The following GALNT18 variants were observed in gnomAD, a reference collection of about 807,000 sequenced individuals.
GALNT18 encodes polypeptide N-acetylgalactosaminyltransferase 18.
In GALNT18, 44 loss-of-function variants were observed where a neutral mutation model predicts 69.5. That is an observed-to-expected ratio of 0.63 (90% confidence interval 0.50 to 0.81). The LOEUF (loss-of-function observed/expected upper bound fraction) is 0.81, where lower values mean the gene tolerates loss of function less well. Among genes scored for constraint, GALNT18 ranks in the 40% least tolerant of loss-of-function variants. The probability of loss-of-function intolerance (pLI) is 0.00; values close to 1 mark genes in which losing one functional copy is unlikely to be tolerated. For missense variants in GALNT18, 715 were observed against 810.0 expected (o/e 0.88, Z 1.42); for synonymous variants, 364 against 318.2 (o/e 1.14, Z -1.53).
At chr11:11,503,667 C>T (rs977485175) in intron 1 of GALNT18, among the ~76,000 whole-genome samples, 10 of 152,232 alleles carry the variant, frequency 6.6e-5, no homozygotes. Flanking sequence ...AATTTTGAGT[C>T]AAAACTACTA....
chr11:11,432,658 G>T lies in GALNT18; in HGVS notation c.558C>A (p.Leu186=). Residue 186 remains leucine (L), a synonymous_variant, in exon 3 of 11, where the codon CTC becomes CTA. Coordinates refer to ENST00000227756, the MANE Select transcript of GALNT18 (RefSeq NM_198516.3). This position sits in a 1 kb window ranked among gnomAD's most constrained non-coding sequence, Gnocchi z 5.8. The part of the protein sequence containing the change: ...SAMERTPPHL[L]KEIILVDDNS... ...TGTCATCCACCAGAATGATCTCCTT[G>T]AGCAGATGTGGGGGCGTGCGTTCCA... 2 of 1,611,744 alleles carry T rather than the reference G, an allele frequency of 1.2e-6. No individual in the cohort carries two copies. Among genetic ancestry groups the T allele is most frequent in the Non-Finnish European group, 1.7e-6 (2 of 1,178,986 alleles).
intron 1 of GALNT18, among the ~76,000 whole-genome samples, chr11:11,533,236 C>A (rs1363112819): frequency 6.6e-6 from 1 of 152,182 alleles, no homozygotes; most frequent in Non-Finnish European, 1.5e-5. Context: ...GCTTCTTTAG[C>A]TTGTTTCATC....
Position 11,563,494 on chromosome 11 carries a change from T to C in GALNT18, c.235+57865A>G, listed in dbSNP as rs1370942699. ...TTTCCAACTTGTGAGTTTGAACACT[T>C]AAGCTGAAAAAGGATTTAAATGCTC... On this transcript the variant is annotated intron_variant, in intron 1 of 10. Transcript: ENST00000227756. The surrounding 1 kb of genome is among the most constrained non-coding windows in gnomAD (Gnocchi z 4.6). Among the ~76,000 whole-genome samples the C allele has an allele frequency of 6.6e-6, 1 of 152,204 alleles. No homozygotes were observed. The highest frequency in any genetic ancestry group is 2.4e-5 in the African/African-American group (1 of 41,450).
At chr11:11,448,014 T>C (rs1367785624) in intron 2 of GALNT18, among the ~76,000 whole-genome samples, 1 of 152,178 alleles carries the variant, frequency 6.6e-6, no homozygotes, top group Non-Finnish European at 1.5e-5. Flanking sequence ...CAAATAACCA[T>C]ACCCAATTAT....
At chr11:11,284,908 G>GGTTTTT (rs766754289) in intron 10 of GALNT18, among the ~76,000 whole-genome samples, 1 of 82,822 alleles carries the variant, frequency 1.2e-5, no homozygotes, top group South Asian at 4.3e-4. Context: ...AGACTTTCGT[G>GGTTTTT]TTTTTTTTTT....
At position 11,518,030 on chromosome 11, in the gene GALNT18, T is replaced by C. The variant is rs186355636; in HGVS notation, c.236-69094A>G. Reference sequence around the variant, plus strand: ...TGGTTAAAACGTTCTGTCCCAAAGGTAGAGCTGTCATCCTCCAGCAGTCTC... The same window carrying C: ...TGGTTAAAACGTTCTGTCCCAAAGGCAGAGCTGTCATCCTCCAGCAGTCTC... On this transcript the variant is annotated intron_variant, in intron 1 of 10. Transcript: ENST00000227756. 3.9e-4 allele frequency among the ~76,000 whole-genome samples: 59 copies of C among 152,326 alleles called. No individual in the cohort carries two copies. The Middle Eastern group carries it at 0.01, about 26-fold the overall frequency.
intron 6 of GALNT18, among the ~76,000 whole-genome samples, chr11:11,343,374 A>G (rs1413999518): frequency 6.6e-6 from 1 of 151,958 alleles, no homozygotes; most frequent in Non-Finnish European, 1.5e-5. Context: ...ATAAAAAATA[A>G]TAATAAAAAA....
intron 6 of GALNT18, among the ~76,000 whole-genome samples, chr11:11,362,340 G>GA (rs772247357): frequency 4.1e-4 from 63 of 151,986 alleles, no homozygotes; most frequent in Non-Finnish European, 6.9e-4. Context: ...GAAAAAACAC[G>GA]AAAAAAGCAG....
intron 3 of GALNT18, among the ~76,000 whole-genome samples, chr11:11,426,069 A>C (rs1039891175): frequency 3.9e-5 from 6 of 152,204 alleles, no homozygotes; most frequent in Non-Finnish European, 5.9e-5. Flanking sequence ...GAGGGGAAAC[A>C]TGGCCTTCGA....
chr11:11,359,521 T>C (rs1363255871), intron 6 of GALNT18, among the ~76,000 whole-genome samples: 1 of 152,186 alleles, frequency 6.6e-6, no homozygotes, highest in Non-Finnish European at 1.5e-5. Flanking sequence ...GCTCCTCTCA[T>C]TTAGTAATCC....
rs1191451964 is a variant in GALNT18, at chr11:11,542,970, C to T, written c.235+78389G>A. On this transcript the variant is annotated intron_variant, in intron 1 of 10. Transcript: ENST00000227756. The surrounding 1 kb of genome is among the most constrained non-coding windows in gnomAD (Gnocchi z 4.3). ...TGGGTGAGGAGCAGGGTGCATGGAA[C>T]CCCTGCAGCCTTTTCTACTGTGTGG... Among the ~76,000 whole-genome samples, 2 of 152,186 alleles carry T rather than the reference C, an allele frequency of 1.3e-5. No homozygotes were observed. Among genetic ancestry groups the T allele is most frequent in the Non-Finnish European group, 2.9e-5 (2 of 68,040 alleles).
At position 11,604,446 on chromosome 11, in the gene GALNT18, T is replaced by A. The variant is rs1310748775; in HGVS notation, c.235+16913A>T. Among the ~76,000 whole-genome samples, 1 of 151,918 alleles carries A rather than the reference T, an allele frequency of 6.6e-6. No individual in the cohort carries two copies. Among genetic ancestry groups the A allele is most frequent in the Non-Finnish European group, 1.5e-5 (1 of 67,982 alleles). ...TGCTGGAGAGTGGGGAAGGACAGGG[T>A]GGACAAGCGATCTACATCCAGCCCT... is the stretch of plus-strand genomic sequence containing the variant. On this transcript the variant is annotated intron_variant, in intron 1 of 10. Transcript: ENST00000227756. This position sits in a 1 kb window ranked among gnomAD's most constrained non-coding sequence, Gnocchi z 5.6.
At chr11:11,386,872 C>T (rs1854070984) in intron 3 of GALNT18, among the ~76,000 whole-genome samples, 1 of 152,156 alleles carries the variant, frequency 6.6e-6, no homozygotes, top group South Asian at 2.1e-4. Context: ...AAGAAGCTGG[C>T]CTGCATAAGA....
intron 6 of GALNT18, among the ~76,000 whole-genome samples, chr11:11,342,421 T>C (rs769074340): frequency 8.5e-5 from 13 of 152,170 alleles, no homozygotes; most frequent in Non-Finnish European, 1.9e-4. Flanking sequence ...TTCAGATATA[T>C]AACATGTACC....
At chr11:11,391,708 C>T (rs146765347) in intron 3 of GALNT18, among the ~76,000 whole-genome samples, 3,761 of 152,316 alleles carry the variant, frequency 0.025, 89 homozygotes, top group South Asian at 0.067. Context: ...ATTTATATAT[C>T]GATTCCAGCA....
chr11:11,293,125 G>GTCA lies in GALNT18; in HGVS notation c.1578_1580dup (p.Asp527dup). 1 of 1,371,254 alleles carries GTCA rather than the reference G, an allele frequency of 7.3e-7. No homozygotes were observed. Among genetic ancestry groups the GTCA allele is most frequent in the Non-Finnish European group, 9.5e-7 (1 of 1,052,358 alleles). The allele number at this position is 1,371,254 out of a possible 1,614,324, so 84.9% of individuals were successfully genotyped here. A position where few individuals can be genotyped will look rare whatever the true frequency, so the allele number is the denominator to read the frequency against. ...TGTTGACGTCCACCAGGCATCGGTT[G>GTCA]TCATCATCATCCACGGTGGGGCTCA... is the stretch of plus-strand genomic sequence containing the variant. On this transcript the variant is annotated inframe_insertion, in exon 10 of 11. Transcript: ENST00000227756.
chr11:11,386,223 T>A (rs146516178), intron 3 of GALNT18, among the ~76,000 whole-genome samples: 7 of 151,990 alleles, frequency 4.6e-5, no homozygotes, highest in Non-Finnish European at 7.4e-5. Flanking sequence ...CATTGCAGAG[T>A]CTCCAAGTCT....
chr11:11,333,040 CG>C (rs753477924), intron 7 of GALNT18, among the ~76,000 whole-genome samples: 13 of 150,522 alleles, frequency 8.6e-5, no homozygotes, highest in Non-Finnish European at 1.9e-4. Context: ...TCAGCATTGC[CG>C]GGCCTTGTCA....
At chr11:11,451,904 G>A (rs545298887) in intron 1 of GALNT18, among the ~76,000 whole-genome samples, 1 of 152,242 alleles carries the variant, frequency 6.6e-6, no homozygotes, top group Admixed American at 6.5e-5. Context: ...TCTACACCAG[G>A]GGTGGCAAAC....
Sources: allele counts gnomAD v4.1 joint callset (sites outside exome capture counted in the v4.1 genomes callset), GRCh38; gene constraint gnomAD v4.1.1; non-coding constraint Gnocchi (gnomAD v3.1); transcripts MANE v1.5; gene names NCBI Gene and HGNC (gene_info 2026-07-23, HGNC 2026-07-21).